The following PLD5 variants were observed in gnomAD, a reference collection of about 807,000 sequenced individuals.
PLD5 encodes the protein phospholipase D family member 5, also known as inactive phospholipase D5.
In PLD5, 36 loss-of-function variants were observed where a neutral mutation model predicts 61.1. That is an observed-to-expected ratio of 0.59 (90% CI 0.45 to 0.78). The LOEUF (loss-of-function observed/expected upper bound fraction) is 0.78. PLD5 is among the 30% of genes least tolerant of loss of function. The probability of loss-of-function intolerance (pLI) is 0.00; values close to 1 mark genes in which losing one functional copy is unlikely to be tolerated. For missense variants in PLD5, 515 were observed against 644.4 expected (o/e 0.80, Z 2.17); for synonymous variants, 243 against 242.8 (o/e 1.00, Z -0.01).
At position 242,107,651 on chromosome 1, in the gene PLD5, A is replaced by G. The variant is rs1661168509; in HGVS notation, c.1239+20T>C. On this transcript the variant is annotated intron_variant, in intron 8 of 9. Transcript: ENST00000536534. ...GGGCATTCACTTTTTATTTAATAAC[A>G]CAGTCAACGTAATACTTACAACTTT... The G allele has an allele frequency of 1.3e-6, 2 of 1,552,010 alleles. No homozygotes were observed.
At chr1:242,226,335 A>G (rs1046080550) in intron 4 of PLD5, among the ~76,000 whole-genome samples, 1 of 152,164 alleles carries the variant, frequency 6.6e-6, no homozygotes, top group African/African-American at 2.4e-5. Flanking sequence ...GTGGCTGCGC[A>G]CAGCTGCTGG....
At chr1:242,518,571 T>A (rs1189404136) in intron 1 of PLD5, among the ~76,000 whole-genome samples, 1 of 152,152 alleles carries the variant, frequency 6.6e-6, no homozygotes, top group Admixed American at 6.5e-5. Flanking sequence ...GGAGAAGAAC[T>A]AAGAACTAAA....
intron 3 of PLD5, among the ~76,000 whole-genome samples, chr1:242,280,557 A>C (rs1674666219): frequency 6.6e-6 from 1 of 152,186 alleles, no homozygotes; most frequent in African/African-American, 2.4e-5. Flanking sequence ...AACAAAAATG[A>C]AATGTGTGTT....
intron 5 of PLD5, among the ~76,000 whole-genome samples, chr1:242,189,534 G>A (rs1668114712): frequency 6.6e-6 from 1 of 150,908 alleles, no homozygotes; most frequent in African/African-American, 2.4e-5. Context: ...TATTTATTGA[G>A]AATCTTCCAT....
intron 1 of PLD5, among the ~76,000 whole-genome samples, chr1:242,398,220 G>A (rs978910578): frequency 6.6e-6 from 1 of 152,180 alleles, no homozygotes; most frequent in African/African-American, 2.4e-5. Context: ...TACAGCACTT[G>A]TGAGTACAAC....
intron 7 of PLD5, among the ~76,000 whole-genome samples, chr1:242,111,540 A>G (rs1013671666): frequency 1.3e-5 from 2 of 151,460 alleles, no homozygotes; most frequent in Non-Finnish European, 2.9e-5. Context: ...TTTCATCTGG[A>G]TGTTTGGCAA....
At chr1:242,119,029 T>C (rs1024599056) in intron 6 of PLD5, among the ~76,000 whole-genome samples, 42 of 152,188 alleles carry the variant, frequency 2.8e-4, no homozygotes, top group African/African-American at 9.9e-4. Flanking sequence ...CTTTGTTCCA[T>C]AGTAAAGTAG....
intron 7 of PLD5, among the ~76,000 whole-genome samples, chr1:242,110,594 A>C (rs1213658964): frequency 6.6e-6 from 1 of 152,048 alleles, no homozygotes; most frequent in Non-Finnish European, 1.5e-5. Context: ...TGGATCACCT[A>C]AGGTCAGGAG....
chr1:242,302,107 C>T (rs1459338805), intron 2 of PLD5, among the ~76,000 whole-genome samples: 1 of 152,180 alleles, frequency 6.6e-6, no homozygotes, highest in Non-Finnish European at 1.5e-5. Flanking sequence ...GGTTTAGATA[C>T]ATTTGGGTAC....
chr1:242,253,651 A>C (rs897662552), intron 4 of PLD5, among the ~76,000 whole-genome samples: 43 of 152,144 alleles, frequency 2.8e-4, no homozygotes, highest in African/African-American at 9.9e-4. Context: ...AAATTCTAGC[A>C]TCCCTAGAAT....
intron 1 of PLD5, among the ~76,000 whole-genome samples, chr1:242,436,335 T>TA: frequency 6.6e-6 from 1 of 152,314 alleles, no homozygotes; most frequent in Non-Finnish European, 1.5e-5. Flanking sequence ...TTTGCCCTGT[T>TA]AAAAAATCCA....
chr1:242,147,886 A>C (rs762040417), intron 5 of PLD5, among the ~76,000 whole-genome samples: 11 of 152,098 alleles, frequency 7.2e-5, no homozygotes, highest in Non-Finnish European at 1.2e-4. Context: ...TGAGAGTTTC[A>C]TTGAGTTGGA....
chr1:242,409,829 G>A (rs1664448770), intron 1 of PLD5, among the ~76,000 whole-genome samples: 1 of 152,170 alleles, frequency 6.6e-6, no homozygotes, highest in Admixed American at 6.5e-5. Context: ...GGATATGTGG[G>A]GGCGCCATGT....
intron 2 of PLD5, among the ~76,000 whole-genome samples, chr1:242,310,693 G>A (rs1484125329): frequency 6.6e-6 from 1 of 152,150 alleles, no homozygotes; most frequent in Non-Finnish European, 1.5e-5. Flanking sequence ...AACCTGCTGA[G>A]AAAATAACAG....
chr1:242,472,410 T>A (rs1226592581), intron 1 of PLD5, among the ~76,000 whole-genome samples: 1 of 152,244 alleles, frequency 6.6e-6, no homozygotes, highest in African/African-American at 2.4e-5. Context: ...ACCCTGCTGA[T>A]CATTCTTATG....
intron 1 of PLD5, among the ~76,000 whole-genome samples, chr1:242,423,691 T>C (rs997006169): frequency 9.9e-5 from 15 of 152,136 alleles, no homozygotes; most frequent in Non-Finnish European, 2.2e-4. Context: ...GAAGATGCTA[T>C]CAATAGCACC....
chr1:242,459,753 G>C (rs1385901404), intron 1 of PLD5, among the ~76,000 whole-genome samples: 2 of 152,180 alleles, frequency 1.3e-5, no homozygotes, highest in Non-Finnish European at 2.9e-5. Flanking sequence ...TGCAGTCAGG[G>C]AGGTTTCACA....
intron 3 of PLD5, among the ~76,000 whole-genome samples, chr1:242,268,395 T>C (rs1355063519): frequency 6.6e-6 from 1 of 152,244 alleles, no homozygotes; most frequent in Non-Finnish European, 1.5e-5. Context: ...TTGGCACCGA[T>C]GAAACATTCA....
At chr1:242,235,149 C>T (rs1194980810) in intron 4 of PLD5, among the ~76,000 whole-genome samples, 1 of 152,112 alleles carries the variant, frequency 6.6e-6, no homozygotes, top group Admixed American at 6.5e-5. Context: ...AGAGTCATTT[C>T]TTATTTAGCA....
Sources: gnomAD v4.1 joint callset for allele counts (sites outside exome capture counted in the v4.1 genomes callset) on GRCh38, gnomAD v4.1.1 for gene constraint, MANE v1.5 for transcripts, NCBI Gene and HGNC (gene_info 2026-07-23, HGNC 2026-07-21) for gene names.